Variants in OR51B5 observed in about 807,000 individuals in gnomAD.
OR51B5 encodes olfactory receptor 51B5.
For missense variants in OR51B5, 456 were observed against 374.6 expected (o/e 1.22, Z -1.79); for synonymous variants, 186 against 144.8 (o/e 1.28, Z -2.04).
upstream of OR51B5, among the ~76,000 whole-genome samples, chr11:5,348,109 C>CT (rs1204855275): frequency 6.6e-6 from 1 of 151,574 alleles, no homozygotes; most frequent in Non-Finnish European, 1.5e-5. Flanking sequence ...ATAGTGTTGT[C>CT]TGCTAAGAGT....
At chr11:5,478,082 C>T (rs1033347127) in intron 1 of OR51B5, among the ~76,000 whole-genome samples, 3 of 151,868 alleles carry the variant, frequency 2.0e-5, no homozygotes, top group Middle Eastern at 3.2e-3. Context: ...AAAAAGACAG[C>T]AGTAACCTCT....
intron 1 of OR51B5, among the ~76,000 whole-genome samples, chr11:5,466,869 A>G (rs1455332737): frequency 6.6e-6 from 1 of 152,182 alleles, no homozygotes; most frequent in African/African-American, 2.4e-5. Context: ...CAGCCCCAGA[A>G]CGCCACAGGT....
chr11:5,478,296 G>A (rs1395608733), intron 1 of OR51B5, among the ~76,000 whole-genome samples: 1 of 151,894 alleles, frequency 6.6e-6, no homozygotes, highest in African/African-American at 2.4e-5. Context: ...TTGCAGCTGA[G>A]GGTCCTGTCT....
At chr11:5,455,664 CATGGAAACTCATCCA>C (rs1039441915) in intron 1 of OR51B5, 2 of 150,972 alleles carry the variant, frequency 1.3e-5, no homozygotes, top group Non-Finnish European at 2.9e-5. Flanking sequence ...CTTAACTCAC[CATGGAAACTCATCCA>C]GAAACCACGT....
chr11:5,418,345 T>C (rs2133757051), intron 1 of OR51B5, among the ~76,000 whole-genome samples: 1 of 152,170 alleles, frequency 6.6e-6, no homozygotes, highest in African/African-American at 2.4e-5. Flanking sequence ...GCATGTCACA[T>C]GTATACATAT....
intron 1 of OR51B5, among the ~76,000 whole-genome samples, chr11:5,356,599 A>G (rs1362769172): frequency 1.4e-5 from 2 of 140,382 alleles, no homozygotes; most frequent in South Asian, 2.3e-4. Flanking sequence ...AGGCAGGTCA[A>G]CATTCAAATT....
chr11:5,372,552 G>A (rs944285465), intron 1 of OR51B5, among the ~76,000 whole-genome samples: 2 of 152,090 alleles, frequency 1.3e-5, no homozygotes, highest in African/African-American at 2.4e-5. Context: ...CTGACCATTT[G>A]CATGTCTTCA....
At chr11:5,386,819 G>A (rs1371470759) in intron 1 of OR51B5, among the ~76,000 whole-genome samples, 2 of 141,050 alleles carry the variant, frequency 1.4e-5, no homozygotes, top group Non-Finnish European at 3.1e-5. Flanking sequence ...ACAGAAAGAG[G>A]GAGAGGGTTG....
chr11:5,389,831 T>A, intron 1 of OR51B5: 1 of 1,613,974 alleles, frequency 6.2e-7, no homozygotes, highest in Non-Finnish European at 8.5e-7. Context: ...TCTGAGGTAT[T>A]CGGTCATTAT....
At chr11:5,480,283 G>T (rs1387776352) in intron 1 of OR51B5, among the ~76,000 whole-genome samples, 1 of 150,736 alleles carries the variant, frequency 6.6e-6, no homozygotes, top group African/African-American at 2.4e-5. Context: ...AATGAAGGCA[G>T]AAATAAAGAT....
chr11:5,420,425 CT>C (rs1445750862), intron 1 of OR51B5, among the ~76,000 whole-genome samples: 1 of 151,888 alleles, frequency 6.6e-6, no homozygotes, highest in Non-Finnish European at 1.5e-5. Context: ...AGTTGTATTT[CT>C]TTTACTGTTA....
At chr11:5,348,377 CCCCAT>C (rs1285232899), upstream of OR51B5, among the ~76,000 whole-genome samples, 4 of 152,084 alleles carry the variant, frequency 2.6e-5, no homozygotes, top group Admixed American at 1.3e-4. Flanking sequence ...CTGCCCCCAA[CCCCAT>C]GTCTTTTACC....
intron 1 of OR51B5, chr11:5,431,499 G>A (rs1228513958): frequency 6.1e-6 from 1 of 165,076 alleles, no homozygotes; most frequent in Non-Finnish European, 1.3e-5. Context: ...AATGTACATG[G>A]TGAAGAAAGG....
intron 1 of OR51B5, among the ~76,000 whole-genome samples, chr11:5,352,771 TAC>T (rs1231967922): frequency 2.4e-5 from 2 of 81,758 alleles, no homozygotes; most frequent in African/African-American, 5.1e-5. Flanking sequence ...CACATACATA[TAC>T]ACACACAGAT....
At chr11:5,452,924 G>T (rs1467408905) in intron 1 of OR51B5, among the ~76,000 whole-genome samples, 1 of 152,182 alleles carries the variant, frequency 6.6e-6, no homozygotes, top group Admixed American at 6.5e-5. Context: ...TGCCTCTGGA[G>T]GCAGTCAATT....
At chr11:5,410,286 T>C (rs142214666) in intron 1 of OR51B5, among the ~76,000 whole-genome samples, 74 of 152,294 alleles carry the variant, frequency 4.9e-4, no homozygotes, top group African/African-American at 1.8e-3. Flanking sequence ...CTTTGAACTA[T>C]AATTGTGGCA....
intron 1 of OR51B5, among the ~76,000 whole-genome samples, chr11:5,393,920 C>A (rs1290781679): frequency 6.6e-6 from 1 of 152,102 alleles, no homozygotes; most frequent in East Asian, 1.9e-4. Context: ...GTTTCAGGGC[C>A]ATGTTTTCCA....
rs1235460689 is a variant in OR51B5, at chr11:5,448,112, A to G, written n.84+57457T>C. ...AAGCTATGTCCTCAAGTTGCTGCCT[A>G]CAATGATACCTTCATATTCCCTTTT... On this transcript the variant is annotated intron_variant and non_coding_transcript_variant, in intron 1 of 4. Transcript: ENST00000415970. Among the ~76,000 whole-genome samples, 8 of 152,338 alleles carry G rather than the reference A, an allele frequency of 5.3e-5. No individual in the cohort carries two copies. In the East Asian group the frequency reaches 1.5e-3, roughly 29 times the overall value.
At chr11:5,353,006 C>A (rs4243956) in intron 1 of OR51B5, among the ~76,000 whole-genome samples, 40,015 of 151,008 alleles carry the variant, frequency 0.26, 5,581 homozygotes, top group African/African-American at 0.31. Context: ...ATATATTAGT[C>A]CTGTTATACA....
Sources: gnomAD v4.1 joint callset for allele counts (sites outside exome capture counted in the v4.1 genomes callset) on GRCh38, gnomAD v4.1.1 for gene constraint, MANE v1.5 for transcripts, NCBI Gene and HGNC (gene_info 2026-07-23, HGNC 2026-07-21) for gene names.